GTF2A1L: variants seen among roughly 807,000 people sequenced by gnomAD.
GTF2A1L encodes the protein TFIIA-alpha and beta-like factor.
GTF2A1L carries 48 observed loss-of-function variants against 49.7 expected under a neutral mutation model. The observed-to-expected ratio is 0.97, with a 90% CI of 0.77 to 1.23. The LOEUF (loss-of-function observed/expected upper bound fraction) is 1.23, where lower values mean the gene tolerates loss of function less well. Ranked by LOEUF, GTF2A1L falls within the 50% of genes most tolerant of loss-of-function variation. The pLI, the probability that GTF2A1L is intolerant of heterozygous loss-of-function variation, is 0.00. For missense variants in GTF2A1L, 736 were observed against 564.8 expected, an observed-to-expected ratio of 1.30 and a Z score of -3.07; for synonymous variants, 246 against 193.5, an observed-to-expected ratio of 1.27 and a Z score of -2.25.
rs140915981 is a variant in GTF2A1L at position 48,619,049 on chromosome 2, A to C, written c.21+1154A>C. Among the ~76,000 whole-genome samples the C allele has an allele frequency of 1.0e-3, 154 of 152,278 alleles. No individual in the cohort carries two copies. In the East Asian group the frequency reaches 0.028, roughly 28 times the overall value. On this transcript the variant is annotated intron_variant, in intron 1 of 8. Coordinates refer to ENST00000403751, the MANE Select transcript of GTF2A1L (RefSeq NM_006872.5). ...ATAAACTGTTTTAGAAGAAGCACCT[A>C]ATTTAGGGGCATTTAGTCTTAATGC...
chr2:48,651,365 G>A lies in GTF2A1L; in HGVS notation c.978+4323G>A, dbSNP rs546638484. ...AGGCTAAAAATACCAGTGTTTCTTA[G>A]GGCTGCCAACATCTGATTTTAATCA... is the stretch of plus-strand genomic sequence containing the variant. On this transcript the variant is annotated intron_variant, in intron 6 of 8. Transcript: ENST00000403751. Among the ~76,000 whole-genome samples the A allele has an allele frequency of 7.9e-5, 12 of 151,776 alleles. No homozygotes were observed. The South Asian group carries it at 2.5e-3, about 32-fold the overall frequency.
rs899539932 is a variant in GTF2A1L at position 48,624,487 on chromosome 2, G to A, written c.247+3197G>A. The stretch of plus-strand genomic sequence containing the variant: ...AGATAGATAGATAGATAGATAGATA[G>A]TGAAGAGGTTGGTATAGTCTAGCAA... On this transcript the variant is annotated intron_variant, in intron 3 of 8. Transcript: ENST00000403751. Among the ~76,000 whole-genome samples the A allele has an allele frequency of 1.0e-4, 14 of 139,038 alleles. 3 individuals carry two copies. Among genetic ancestry groups the A allele is most frequent in the Non-Finnish European group, 1.6e-4 (10 of 61,852 alleles). The allele number at this position is 139,038 out of a possible 152,430, so 91.2% of individuals were successfully genotyped here. A position where few individuals can be genotyped will look rare whatever the true frequency, so the allele number is the denominator to read the frequency against.
At chr2:48,619,653 T>C (rs1319821417) in intron 1 of GTF2A1L, among the ~76,000 whole-genome samples, 1 of 152,134 alleles carries the variant, frequency 6.6e-6, no homozygotes, top group Non-Finnish European at 1.5e-5. Flanking sequence ...TAAGAGCAAC[T>C]CAACTAAATT....
rs145169038 is a variant in GTF2A1L at position 48,621,146 on chromosome 2, CTT to C, written c.124-13_124-12del. ...TGTGTATATATTTTTTTAAAGTAAA[CTT>C]TTTTTTTCCCCTCTGCAGCTCTGGG... On this transcript the variant is annotated intron_variant, in intron 2 of 8. Coordinates refer to ENST00000403751, the MANE Select transcript of GTF2A1L (RefSeq NM_006872.5). 1 of 1,570,484 alleles carries C rather than the reference CTT, an allele frequency of 6.4e-7. No individual in the cohort carries two copies. Among genetic ancestry groups the C allele is most frequent in the Admixed American group, 1.9e-5 (1 of 52,410 alleles).
At chr2:48,652,572 C>T (rs903370392) in intron 6 of GTF2A1L, among the ~76,000 whole-genome samples, 1 of 151,126 alleles carries the variant, frequency 6.6e-6, no homozygotes, top group African/African-American at 2.4e-5. Flanking sequence ...CCAAGATCGT[C>T]CCACTGCACT....
chr2:48,661,758 A>C (rs6720650), intron 6 of GTF2A1L, among the ~76,000 whole-genome samples: 26,252 of 151,886 alleles, frequency 0.17, 2,658 homozygotes, highest in South Asian at 0.25. Context: ...CATGGAATTT[A>C]TTTTTCCATC....
chr2:48,634,001 A>G (rs1007536898), intron 3 of GTF2A1L, among the ~76,000 whole-genome samples: 1 of 151,828 alleles, frequency 6.6e-6, no homozygotes, highest in South Asian at 2.1e-4. Context: ...TCAGCCCTTT[A>G]TTTTGAGCCT....
chr2:48,644,753 G>C (rs1246215278), intron 4 of GTF2A1L, among the ~76,000 whole-genome samples: 1 of 152,134 alleles, frequency 6.6e-6, no homozygotes, highest in Non-Finnish European at 1.5e-5. Flanking sequence ...GCCCTGCAAA[G>C]CTATGTCTTG....
chr2:48,617,926 G>C (rs1176343149), intron 1 of GTF2A1L, 31 bp downstream of exon 1: 8 of 1,550,722 alleles, frequency 5.2e-6, no homozygotes, highest in Non-Finnish European at 7.0e-6. Flanking sequence ...TGTGTAGAGG[G>C]AGCGCCCTGG....
chr2:48,665,759 G>A (rs928623627), intron 6 of GTF2A1L, among the ~76,000 whole-genome samples: 6 of 152,020 alleles, frequency 3.9e-5, no homozygotes, highest in Admixed American at 1.3e-4. Flanking sequence ...CATGATATGT[G>A]CTCTTGAAGC....
At position 48,626,689 on chromosome 2, in the gene GTF2A1L, C is replaced by T. The variant is rs560234645; in HGVS notation, c.247+5399C>T. On this transcript the variant is annotated intron_variant, in intron 3 of 8. Transcript: ENST00000403751. ...CTGGGCGCAAGCCATTCTCCCACCT[C>T]GGACTCCCAAAGTAGCTGGGACTAC... Among the ~76,000 whole-genome samples the T allele has an allele frequency of 2.2e-4, 32 of 143,814 alleles. 1 individual carries two copies. The highest frequency in any genetic ancestry group is 6.9e-4 in the African/African-American group (28 of 40,516). The allele number at this position is 143,814 out of a possible 152,430, so 94.3% of individuals were successfully genotyped here.
At chr2:48,674,093 C>T (rs185581145) in intron 8 of GTF2A1L, among the ~76,000 whole-genome samples, 2 of 152,202 alleles carry the variant, frequency 1.3e-5, no homozygotes, top group South Asian at 2.1e-4. Flanking sequence ...CAGGTTTTTG[C>T]GTGGACATAT....
chr2:48,656,097 G>T (rs1219688785), intron 6 of GTF2A1L, among the ~76,000 whole-genome samples: 1 of 152,160 alleles, frequency 6.6e-6, no homozygotes, highest in Non-Finnish European at 1.5e-5. Flanking sequence ...GGATACTTGG[G>T]TTGCTTCCAG....
intron 6 of GTF2A1L, among the ~76,000 whole-genome samples, chr2:48,667,099 C>T (rs1678889073): frequency 1.3e-5 from 2 of 148,384 alleles, no homozygotes; most frequent in Admixed American, 1.4e-4. Context: ...TCAGCATGCA[C>T]CACCACTCCC....
Position 48,671,620 on chromosome 2 carries a change from T to C in GTF2A1L, c.1269T>C (p.Ser423=), listed in dbSNP as rs1319838202. ...EDPLNSGDDV[S]EQDVPDLFDT... Reference sequence around the variant, plus strand: ...CTTTAAATTCTGGAGATGATGTTAGTGAACAGGATGTGCCAGACCTGTTTG... The same window carrying C: ...CTTTAAATTCTGGAGATGATGTTAGCGAACAGGATGTGCCAGACCTGTTTG... The change falls in exon 8 of 9, where the codon AGT becomes AGC. Residue 423 remains serine (S), a synonymous_variant. Coordinates refer to ENST00000403751, the MANE Select transcript of GTF2A1L (RefSeq NM_006872.5). The C allele has an allele frequency of 1.9e-6, 3 of 1,613,522 alleles. No homozygotes were observed. Among genetic ancestry groups the C allele is most frequent in the Non-Finnish European group, 2.5e-6 (3 of 1,179,688 alleles).
Position 48,674,199 on chromosome 2 carries a change from A to C in GTF2A1L, c.1329+2519A>C, listed in dbSNP as rs574895995. Among the ~76,000 whole-genome samples, 4 of 152,304 alleles carry C rather than the reference A, an allele frequency of 2.6e-5. No homozygotes were observed. In the South Asian group the frequency reaches 6.2e-4, roughly 24 times the overall value. On this transcript the variant is annotated intron_variant, in intron 8 of 8. Transcript: ENST00000403751. ...TTAGACTATTTTCCAAAGTGGCTGT[A>C]CTATTTTACATTCTTATTAGCAGTG...
At chr2:48,657,039 T>C (rs1359394842) in intron 6 of GTF2A1L, among the ~76,000 whole-genome samples, 3 of 152,212 alleles carry the variant, frequency 2.0e-5, no homozygotes, top group African/African-American at 4.8e-5. Flanking sequence ...ATTTTATTGG[T>C]GTATACACCT....
intron 3 of GTF2A1L, among the ~76,000 whole-genome samples, chr2:48,631,775 T>G (rs1473942244): frequency 6.6e-6 from 1 of 152,200 alleles, no homozygotes; most frequent in African/African-American, 2.4e-5. Context: ...TCTTTCCAAC[T>G]TTTTGTGGTA....
intron 6 of GTF2A1L, among the ~76,000 whole-genome samples, chr2:48,653,920 CAAAAAAAAAA>C (rs70946819): frequency 2.8e-5 from 3 of 108,670 alleles, no homozygotes; most frequent in Non-Finnish European, 1.8e-5. Context: ...GACTGTGTCT[CAAAAAAAAAA>C]AAAAAAAAAA....
Sources: gnomAD v4.1 joint callset for allele counts (sites outside exome capture counted in the v4.1 genomes callset) on GRCh38, gnomAD v4.1.1 for gene constraint, MANE v1.5 for transcripts, NCBI Gene and HGNC (gene_info 2026-07-23, HGNC 2026-07-21) for gene names.